The following ZFPM2 variants were observed in gnomAD, a reference collection of about 807,000 sequenced individuals.
ZFPM2 encodes the protein zinc finger protein ZFPM2.
In ZFPM2, 20 loss-of-function variants were observed where a neutral mutation model predicts 98.6. The observed-to-expected ratio is 0.20, with a 90% confidence interval of 0.14 to 0.29. The LOEUF is 0.29. Among genes scored for constraint, ZFPM2 ranks in the 10% least tolerant of loss-of-function variants. The probability of loss-of-function intolerance (pLI) is 1.00; values close to 1 mark genes in which losing one functional copy is unlikely to be tolerated. For synonymous variants in ZFPM2, 518 were observed against 502.7 expected (o/e 1.03, Z -0.41); for missense variants, 1,310 against 1,388.6 (o/e 0.94, Z 0.90).
chr8:105,479,366 T>C (rs1456095223), intron 3 of ZFPM2, among the ~76,000 whole-genome samples: 1 of 152,224 alleles, frequency 6.6e-6, no homozygotes, highest in East Asian at 1.9e-4. Context: ...CATTGTTTCT[T>C]TTTAAGACTG....
At chr8:105,581,987 G>T (rs1373666699) in intron 4 of ZFPM2, among the ~76,000 whole-genome samples, 2 of 152,184 alleles carry the variant, frequency 1.3e-5, no homozygotes, top group African/African-American at 4.8e-5. Context: ...ATAAGATCAT[G>T]CCTGTTAGGA....
intron 1 of ZFPM2, among the ~76,000 whole-genome samples, chr8:105,360,624 T>G (rs1432357576): frequency 1.1e-5 from 1 of 89,114 alleles, no homozygotes; most frequent in Non-Finnish European, 2.1e-5. Flanking sequence ...CCCTCCCCCC[T>G]CCCCCGACCC....
At position 105,456,154 on chromosome 8, in the gene ZFPM2, T is replaced by G. The variant is rs879320764; in HGVS notation, c.301+11773T>G. Among the ~76,000 whole-genome samples, 46 of 108,408 alleles carry G rather than the reference T, an allele frequency of 4.2e-4. 1 individual carries two copies. The highest frequency in any genetic ancestry group is 7.4e-4 in the Non-Finnish European group (37 of 49,890). The allele number at this position is 108,408 out of a possible 152,430, so 71.1% of individuals were successfully genotyped here. On this transcript the variant is annotated intron_variant, in intron 3 of 7. Transcript: ENST00000407775. ...GGGAAAACCAGGAAAATGTTTTTTT[T>G]TGTTTGTTTGTTTGTTTTTTTTTTA...
intron 5 of ZFPM2, among the ~76,000 whole-genome samples, chr8:105,777,596 A>G (rs1449139801): frequency 2.6e-5 from 4 of 152,182 alleles, no homozygotes; most frequent in Admixed American, 2.0e-4. Flanking sequence ...TGCATTGCCT[A>G]TATAGTACAA....
intron 5 of ZFPM2, among the ~76,000 whole-genome samples, chr8:105,650,035 A>G (rs1445974032): frequency 6.6e-6 from 1 of 152,090 alleles, no homozygotes; most frequent in Non-Finnish European, 1.5e-5. Flanking sequence ...TTGGTAGGCT[A>G]TTAATTATTG....
At chr8:105,362,885 G>T (rs1347722166) in intron 1 of ZFPM2, among the ~76,000 whole-genome samples, 3 of 152,144 alleles carry the variant, frequency 2.0e-5, no homozygotes, top group African/African-American at 7.2e-5. Context: ...AAATAAAAGT[G>T]TTGTTTTCTT....
intron 3 of ZFPM2, among the ~76,000 whole-genome samples, chr8:105,495,527 G>T (rs1294266235): frequency 6.6e-6 from 1 of 152,158 alleles, no homozygotes; most frequent in Non-Finnish European, 1.5e-5. Flanking sequence ...GCTTTTGCTT[G>T]TAGAAGTTTG....
At chr8:105,336,740 A>G (rs1466759289) in intron 1 of ZFPM2, among the ~76,000 whole-genome samples, 2 of 151,124 alleles carry the variant, frequency 1.3e-5, no homozygotes, top group Admixed American at 6.6e-5. Context: ...AGACATATAC[A>G]TGCAGACATA....
intron 1 of ZFPM2, among the ~76,000 whole-genome samples, chr8:105,333,712 T>C (rs1226426696): frequency 6.6e-6 from 1 of 151,644 alleles, no homozygotes; most frequent in Non-Finnish European, 1.5e-5. Context: ...AATAAAATTA[T>C]GGTATAACCC....
At chr8:105,636,664 G>A (rs777026278) in intron 5 of ZFPM2, among the ~76,000 whole-genome samples, 1 of 152,120 alleles carries the variant, frequency 6.6e-6, no homozygotes, top group Non-Finnish European at 1.5e-5. Flanking sequence ...TACAAGAAAA[G>A]CACTAAGTAA....
At chr8:105,383,170 G>A (rs1810920432) in intron 1 of ZFPM2, among the ~76,000 whole-genome samples, 1 of 152,018 alleles carries the variant, frequency 6.6e-6, no homozygotes, top group African/African-American at 2.4e-5. Context: ...AGGACATTTA[G>A]GCTGTATGGT....
At chr8:105,547,720 AAG>A (rs1449245696) in intron 3 of ZFPM2, among the ~76,000 whole-genome samples, 1 of 152,118 alleles carries the variant, frequency 6.6e-6, no homozygotes, top group Admixed American at 6.6e-5. Flanking sequence ...TAGAAACAAA[AAG>A]ATGTTTTGAC....
In ZFPM2 at chr8:105,405,608, C is replaced by G. The variant is rs1424126554; in HGVS notation, c.41-13536C>G. 2.6e-5 allele frequency among the ~76,000 whole-genome samples: 4 copies of G among 152,084 alleles called. No homozygotes were observed. The East Asian group carries it at 7.8e-4, about 29-fold the overall frequency. On this transcript the variant is annotated intron_variant, in intron 1 of 7. Transcript: ENST00000407775. ...TCCATGTCCCTACAAAGGACATGAA[C>G]TCATCATTTTTTATGGCTGCATAGT... is the stretch of plus-strand genomic sequence containing the variant.
chr8:105,449,559 A>G (rs1405182675), intron 3 of ZFPM2, among the ~76,000 whole-genome samples: 1 of 152,086 alleles, frequency 6.6e-6, no homozygotes, highest in Non-Finnish European at 1.5e-5. Context: ...ATTTTCAAAT[A>G]TTAAAACTTG....
chr8:105,366,496 TTA>T (rs200916782), intron 1 of ZFPM2, among the ~76,000 whole-genome samples: 4,750 of 54,412 alleles, frequency 0.087, 241 homozygotes, highest in African/African-American at 0.2. Flanking sequence ...ATTCTTTTTT[TTA>T]ATTTTTTTCA....
At chr8:105,529,766 T>C (rs1814255224) in intron 3 of ZFPM2, among the ~76,000 whole-genome samples, 3 of 152,072 alleles carry the variant, frequency 2.0e-5, no homozygotes, top group Non-Finnish European at 4.4e-5. Flanking sequence ...AGTCTTGCAC[T>C]GTCTCCTGGG....
intron 1 of ZFPM2, among the ~76,000 whole-genome samples, chr8:105,364,657 CAA>C (rs529091109): frequency 8.5e-5 from 10 of 117,200 alleles, no homozygotes; most frequent in Admixed American, 1.7e-4. Flanking sequence ...GCAAGAATAC[CAA>C]AAAAAAAAAA....
rs73697323 is a variant in ZFPM2 at position 105,410,945 on chromosome 8, T to C, written c.41-8199T>C. ...AAAAAAAATTGCTGCTTGTCTTATCTCACATCTTCAAGATGACTTCTAGCA... is the reference window on the plus strand; with the variant it reads ...AAAAAAAATTGCTGCTTGTCTTATCCCACATCTTCAAGATGACTTCTAGCA... On this transcript the variant is annotated intron_variant, in intron 1 of 7. Transcript: ENST00000407775. 4.1e-3 allele frequency among the ~76,000 whole-genome samples: 625 copies of C among 151,936 alleles called. 8 individuals are homozygous for C. Among genetic ancestry groups the C allele is most frequent in the African/African-American group, 0.014 (592 of 41,492 alleles).
rs535649309 is a variant in ZFPM2 at position 105,391,104 on chromosome 8, T to G, written c.41-28040T>G. 2.0e-5 allele frequency among the ~76,000 whole-genome samples: 3 copies of G among 152,324 alleles called. No homozygotes were observed. The East Asian group carries it at 5.8e-4, about 29-fold the overall frequency. ...GCCTCACTTTATTGTGCTATGCAGA[T>G]ATTGCATTTTATACAAATTGAAGTT... is the stretch of plus-strand genomic sequence containing the variant. On this transcript the variant is annotated intron_variant, in intron 1 of 7. Coordinates refer to ENST00000407775, the MANE Select transcript of ZFPM2 (RefSeq NM_012082.4).
Sources: gnomAD v4.1 joint callset for allele counts (sites outside exome capture counted in the v4.1 genomes callset) on GRCh38, gnomAD v4.1.1 for gene constraint, MANE v1.5 for transcripts, NCBI Gene and HGNC (gene_info 2026-07-23, HGNC 2026-07-21) for gene names.